DCLK2: variants seen among roughly 807,000 people sequenced by gnomAD.
DCLK2 encodes the protein serine/threonine-protein kinase DCLK2.
In DCLK2, 31 loss-of-function variants were observed where a neutral mutation model predicts 78.4. The ratio of observed to expected loss-of-function variants is 0.40; its 90% CI spans 0.30 to 0.53. The LOEUF (loss-of-function observed/expected upper bound fraction) is 0.53. DCLK2 is among the 20% of genes least tolerant of loss of function. The probability of loss-of-function intolerance (pLI) is 0.61; values close to 1 mark genes in which losing one functional copy is unlikely to be tolerated. For missense variants in DCLK2, 872 were observed against 973.7 expected, an observed-to-expected ratio of 0.90 and a Z score of 1.39; for synonymous variants, 407 against 374.9, an observed-to-expected ratio of 1.09 and a Z score of -0.99.
At position 150,175,144 on chromosome 4, in the gene DCLK2, ATT is replaced by A. The variant is rs869236676; in HGVS notation, c.757-17991_757-17990del. 2.9e-5 allele frequency among the ~76,000 whole-genome samples: 2 copies of A among 68,970 alleles called. 1 individual carries two copies. The highest frequency in any genetic ancestry group is 5.6e-5 in the Non-Finnish European group (2 of 35,590). The allele number at this position is 68,970 out of a possible 152,430, so 45.2% of individuals were successfully genotyped here. A position where few individuals can be genotyped will look rare whatever the true frequency, so the allele number is the denominator to read the frequency against. ...TTTTATATATATATAATTTATGTAT[ATT>A]TTATATATATTTATAATTTATATAT... On this transcript the variant is annotated intron_variant, in intron 2 of 15. Coordinates refer to ENST00000296550, the MANE Select transcript of DCLK2 (RefSeq NM_001040260.4).
intron 2 of DCLK2, among the ~76,000 whole-genome samples, chr4:150,151,942 A>G (rs978502833): frequency 6.6e-6 from 1 of 152,070 alleles, no homozygotes; most frequent in African/African-American, 2.4e-5. Context: ...AAAAATAATA[A>G]TAATTTATGT....
At chr4:150,164,370 C>G (rs967582519) in intron 2 of DCLK2, among the ~76,000 whole-genome samples, 18 of 152,316 alleles carry the variant, frequency 1.2e-4, no homozygotes, top group Admixed American at 1.1e-3. Flanking sequence ...CTTACTTACC[C>G]CCCTACCCCC....
chr4:150,113,120 CT>C (rs1299705853), intron 2 of DCLK2, among the ~76,000 whole-genome samples: 2 of 152,022 alleles, frequency 1.3e-5, no homozygotes, highest in Admixed American at 1.3e-4. Flanking sequence ...CCTGAATTAT[CT>C]TTTTGATGTG....
rs565956312 is a variant in DCLK2 at position 150,121,729 on chromosome 4, C to T, written c.756+18917C>T. ...CTTAGCCTGGATCCATCAGAAGAAT[C>T]GCTACGGCAAGTATAGCCTTACAAA... is the stretch of plus-strand genomic sequence containing the variant. On this transcript the variant is annotated intron_variant, in intron 2 of 15. Transcript: ENST00000296550. Among the ~76,000 whole-genome samples, 24 of 152,270 alleles carry T rather than the reference C, an allele frequency of 1.6e-4. No individual in the cohort carries two copies. The South Asian group carries it at 2.7e-3, about 17-fold the overall frequency.
intron 12 of DCLK2, among the ~76,000 whole-genome samples, chr4:150,242,915 G>A (rs1743031411): frequency 6.6e-6 from 1 of 151,290 alleles, no homozygotes; most frequent in Non-Finnish European, 1.5e-5. Context: ...TTGGGAGAAG[G>A]GGTCAAGTGG....
chr4:150,194,529 T>C (rs138259781), intron 3 of DCLK2, among the ~76,000 whole-genome samples: 194 of 152,312 alleles, frequency 1.3e-3, no homozygotes, highest in African/African-American at 4.5e-3. Flanking sequence ...ATCTCAACTA[T>C]TTCATATGTT....
Position 150,166,043 on chromosome 4 carries a change from G to A in DCLK2, c.757-27095G>A, listed in dbSNP as rs541927670. Among the ~76,000 whole-genome samples the A allele has an allele frequency of 6.6e-5, 10 of 152,318 alleles. No homozygotes were observed. The East Asian group carries it at 7.7e-4, about 12-fold the overall frequency. ...CTTGGACTTCCCAGCTTCCAGAACCGTGAGAAATAAATTTCTTTTCTTTAT... is the reference window on the plus strand; with the variant it reads ...CTTGGACTTCCCAGCTTCCAGAACCATGAGAAATAAATTTCTTTTCTTTAT... On this transcript the variant is annotated intron_variant, in intron 2 of 15. Transcript: ENST00000296550.
At chr4:150,084,053 A>G (rs1186523547) in intron 1 of DCLK2, among the ~76,000 whole-genome samples, 1 of 152,228 alleles carries the variant, frequency 6.6e-6, no homozygotes, top group Non-Finnish European at 1.5e-5. Context: ...GGCCGGGGTG[A>G]TGTGGAGGGC....
Position 150,118,143 on chromosome 4 carries a change from G to T in DCLK2, c.756+15331G>T, listed in dbSNP as rs540216971. Reference sequence around the variant, plus strand: ...TGTAAGCCCCTATGATCAGGCTCTGGGAGAGGCTTCAATGGTAATGATGAG... The same window carrying T: ...TGTAAGCCCCTATGATCAGGCTCTGTGAGAGGCTTCAATGGTAATGATGAG... On this transcript the variant is annotated intron_variant, in intron 2 of 15. Coordinates refer to ENST00000296550, the MANE Select transcript of DCLK2 (RefSeq NM_001040260.4). Among the ~76,000 whole-genome samples the T allele has an allele frequency of 3.3e-5, 5 of 152,182 alleles. No homozygotes were observed. In the East Asian group the frequency reaches 7.7e-4, roughly 24 times the overall value.
chr4:150,207,632 G>A (rs750571453), intron 5 of DCLK2, among the ~76,000 whole-genome samples: 10 of 152,308 alleles, frequency 6.6e-5, no homozygotes, highest in Non-Finnish European at 1.0e-4. Flanking sequence ...CGGAAGGAAA[G>A]CTTTCTTCAA....
At chr4:150,249,468 C>T in intron 14 of DCLK2, 100 bp from the exon 15 acceptor site, 2 of 902,916 alleles carry the variant, frequency 2.2e-6, no homozygotes, top group Non-Finnish European at 3.7e-6. Context: ...AGGAAGAGGT[C>T]AGGAGGGTGG....
chr4:150,215,673 T>G (rs1229634746), intron 5 of DCLK2, among the ~76,000 whole-genome samples: 1 of 152,204 alleles, frequency 6.6e-6, no homozygotes, highest in East Asian at 1.9e-4. Context: ...CCTGTCTTTT[T>G]GGATTTTTAT....
intron 12 of DCLK2, among the ~76,000 whole-genome samples, chr4:150,244,408 A>C (rs1324325027): frequency 1.3e-5 from 2 of 152,236 alleles, no homozygotes; most frequent in African/African-American, 4.8e-5. Context: ...TAAAACACAC[A>C]CAAAATGCTC....
At chr4:150,241,632 C>T (rs1039951365) in intron 12 of DCLK2, among the ~76,000 whole-genome samples, 2 of 152,094 alleles carry the variant, frequency 1.3e-5, no homozygotes, top group Non-Finnish European at 2.9e-5. Context: ...ATTTGACTAG[C>T]CATAACAAAA....
intron 2 of DCLK2, among the ~76,000 whole-genome samples, chr4:150,107,540 C>A (rs192950563): frequency 2.3e-3 from 353 of 151,896 alleles, no homozygotes; most frequent in African/African-American, 8.0e-3. Flanking sequence ...CCATGCCTGG[C>A]TAATTTTTGT....
In DCLK2 at chr4:150,229,590, C is replaced by G. The variant is rs72951542; in HGVS notation, c.1300-2747C>G. Among the ~76,000 whole-genome samples, 848 of 152,168 alleles carry G rather than the reference C, an allele frequency of 5.6e-3. 6 individuals are homozygous for G. The highest frequency in any genetic ancestry group is 0.019 in the African/African-American group (801 of 41,500). On this transcript the variant is annotated intron_variant, in intron 8 of 15. Transcript: ENST00000296550. ...CTTTATGGGCTGGGATGGGTTGAGA[C>G]AAGATGATTAGTCTGGTTTGAGAGA... is the stretch of plus-strand genomic sequence containing the variant.
intron 2 of DCLK2, among the ~76,000 whole-genome samples, chr4:150,174,884 G>C (rs980080807): frequency 1.2e-4 from 17 of 146,976 alleles, no homozygotes; most frequent in African/African-American, 4.3e-4. Context: ...TGTAATCCCA[G>C]CTACTCAGGA....
At chr4:150,252,307 C>T (rs1038194701) in intron 15 of DCLK2, among the ~76,000 whole-genome samples, 7 of 152,162 alleles carry the variant, frequency 4.6e-5, no homozygotes, top group African/African-American at 7.2e-5. Flanking sequence ...GCATACTCAA[C>T]GTGTCATGAA....
intron 2 of DCLK2, among the ~76,000 whole-genome samples, chr4:150,163,813 A>G (rs1580627087): frequency 6.6e-6 from 1 of 152,376 alleles, no homozygotes; most frequent in South Asian, 2.1e-4. Flanking sequence ...GACCTCAAGA[A>G]AATGAATGAT....
Sources: allele counts gnomAD v4.1 joint callset (sites outside exome capture counted in the v4.1 genomes callset), GRCh38; gene constraint gnomAD v4.1.1; transcripts MANE v1.5; gene names NCBI Gene and HGNC (gene_info 2026-07-23, HGNC 2026-07-21).